The following PRPF18 variants were observed in gnomAD, a reference collection of about 807,000 sequenced individuals.
The protein encoded by PRPF18 is pre-mRNA-splicing factor 18.
In PRPF18, 38 loss-of-function variants were observed where a neutral mutation model predicts 46.5. The ratio of observed to expected loss-of-function variants is 0.82; its 90% confidence interval spans 0.63 to 1.07. The LOEUF (loss-of-function observed/expected upper bound fraction) is 1.07, where lower values mean the gene tolerates loss of function less well. PRPF18 is among the 50% of genes least tolerant of loss of function. PRPF18 has a pLI of 0.00. For missense variants in PRPF18, 263 were observed against 410.0 expected (o/e 0.64, Z 3.10); for synonymous variants, 152 against 146.7 (o/e 1.04, Z -0.26).
At chr10:13,588,544 C>G (rs1455713334) in intron 1 of PRPF18, among the ~76,000 whole-genome samples, 1 of 151,056 alleles carries the variant, frequency 6.6e-6, no homozygotes, top group African/African-American at 2.4e-5. Flanking sequence ...CCACTGCACT[C>G]CAGCCTGGGT....
chr10:13,613,653 G>T (rs542745241), intron 6 of PRPF18, 88 bp from the exon 7 acceptor site: 11 of 1,328,610 alleles, frequency 8.3e-6, no homozygotes, highest in South Asian at 4.3e-5. Flanking sequence ...AAGGATGATT[G>T]TATTCTGTTT....
chr10:13,597,939 T>C (rs1458474247), intron 2 of PRPF18, among the ~76,000 whole-genome samples: 1 of 152,120 alleles, frequency 6.6e-6, no homozygotes, highest in African/African-American at 2.4e-5. Context: ...CACAGTAATA[T>C]TAGTGGTGGT....
At chr10:13,645,370 C>T in the PRPF18 span, 12 of 103,954 alleles carry the variant, frequency 1.2e-4, no homozygotes, top group African/African-American at 4.4e-4. Context: ...CCCACCCCAT[C>T]CCCCCACCAC....
At chr10:13,595,750 C>T (rs566141238) in intron 1 of PRPF18, among the ~76,000 whole-genome samples, 68 of 152,088 alleles carry the variant, frequency 4.5e-4, no homozygotes, top group Non-Finnish European at 8.5e-4. Context: ...TCTTTATTTC[C>T]GTAAAACTGT....
At chr10:13,608,373 G>A (rs989886977) in intron 4 of PRPF18, among the ~76,000 whole-genome samples, 2 of 152,170 alleles carry the variant, frequency 1.3e-5, no homozygotes, top group African/African-American at 2.4e-5. Context: ...GGCCAGGCCC[G>A]CTCCCCGACC....
chr10:13,596,765 G>A, intron 1 of PRPF18, among the ~76,000 whole-genome samples: 1 of 152,130 alleles, frequency 6.6e-6, no homozygotes. Context: ...CCTTGTGAGA[G>A]GATCATTTGA....
intron 9 of PRPF18, among the ~76,000 whole-genome samples, chr10:13,627,218 G>A (rs552479153): frequency 6.6e-6 from 1 of 152,240 alleles, no homozygotes; most frequent in East Asian, 1.9e-4. Context: ...TTTCTCCAAA[G>A]CACTTAGCAT....
At chr10:13,599,810 G>A (rs1286817446) in intron 2 of PRPF18, among the ~76,000 whole-genome samples, 2 of 152,192 alleles carry the variant, frequency 1.3e-5, no homozygotes, top group Non-Finnish European at 2.9e-5. Flanking sequence ...TCAGGTTGCT[G>A]TTGGAAAGAA....
At chr10:13,588,617 G>C (rs7897055) in intron 1 of PRPF18, among the ~76,000 whole-genome samples, 2,421 of 150,310 alleles carry the variant, frequency 0.016, 58 homozygotes, top group African/African-American at 0.052. Context: ...CTTTCTAATA[G>C]TAAATCCCAA....
At chr10:13,597,338 T>A (rs895733477) in intron 1 of PRPF18, 120 bp from the exon 2 acceptor site, 1 of 675,560 alleles carries the variant, frequency 1.5e-6, no homozygotes, top group African/African-American at 1.8e-5. Context: ...AATATTTATT[T>A]TATCCAATTC....
intron 1 of PRPF18, chr10:13,591,985 A>C: frequency 1.1e-6 from 1 of 918,238 alleles, no homozygotes; most frequent in Admixed American, 2.0e-5. Context: ...TCAGTAGGAA[A>C]ATATCTAGGC....
At chr10:13,653,886 G>C in the PRPF18 span, 1 of 164,972 alleles carries the variant, frequency 6.1e-6, no homozygotes, top group Non-Finnish European at 1.3e-5. Context: ...TAATTTTGTT[G>C]TGTGCAGCTT....
intron 6 of PRPF18, among the ~76,000 whole-genome samples, chr10:13,613,390 G>A (rs957106920): frequency 1.3e-5 from 2 of 151,790 alleles, no homozygotes; most frequent in Non-Finnish European, 2.9e-5. Context: ...CAGTTTTCTT[G>A]TAACTCGTAA....
At chr10:13,600,609 T>C (rs1313183975) in intron 3 of PRPF18, among the ~76,000 whole-genome samples, 3 of 152,206 alleles carry the variant, frequency 2.0e-5, no homozygotes, top group Non-Finnish European at 4.4e-5. Context: ...TATAATTAAA[T>C]GCTCTTATGC....
intron 9 of PRPF18, among the ~76,000 whole-genome samples, chr10:13,620,873 A>G (rs2080411730): frequency 6.6e-6 from 1 of 152,218 alleles, no homozygotes; most frequent in Admixed American, 6.5e-5. Context: ...AATTAAATAT[A>G]CCACAAGGAG....
chr10:13,617,145 T>A (rs2080354445), intron 9 of PRPF18, among the ~76,000 whole-genome samples: 1 of 152,234 alleles, frequency 6.6e-6, no homozygotes, highest in Non-Finnish European at 1.5e-5. Context: ...GAAAATCGAC[T>A]ATAATGTAGT....
the PRPF18 span, chr10:13,654,548 A>G: frequency 1.5e-6 from 2 of 1,372,264 alleles, no homozygotes; most frequent in Non-Finnish European, 2.1e-6. Context: ...CAGAGAGCAG[A>G]CAGGGATCAG....
chr10:13,588,261 G>C (rs1275574018), intron 1 of PRPF18, among the ~76,000 whole-genome samples: 1 of 152,156 alleles, frequency 6.6e-6, no homozygotes, highest in African/African-American at 2.4e-5. Context: ...ACCAAAATTA[G>C]CTGGGCGTGG....
At chr10:13,610,837 A>G (rs541132618) in intron 5 of PRPF18, among the ~76,000 whole-genome samples, 1 of 152,328 alleles carries the variant, frequency 6.6e-6, no homozygotes, top group African/African-American at 2.4e-5. Flanking sequence ...TACACCCAGC[A>G]GTGTGAGGGT....
Sources: allele counts gnomAD v4.1 joint callset (sites outside exome capture counted in the v4.1 genomes callset), GRCh38; gene constraint gnomAD v4.1.1; transcripts MANE v1.5; gene names NCBI Gene and HGNC (gene_info 2026-07-23, HGNC 2026-07-21).